Variants in SDS observed in about 807,000 individuals in gnomAD.
SDS encodes the protein L-serine dehydratase/L-threonine deaminase.
Under a neutral mutation model 29.3 loss-of-function variants are expected in SDS, and 19 were observed. The observed-to-expected ratio is 0.65, with a 90% confidence interval of 0.45 to 0.95. SDS has a LOEUF of 0.95. Ranked by LOEUF, SDS falls within the 40% of genes least tolerant of loss-of-function variation. The pLI, the probability that SDS is intolerant of heterozygous loss-of-function variation, is 0.00. For missense variants in SDS, 375 were observed against 439.9 expected, an observed-to-expected ratio of 0.85 and a Z score of 1.32; for synonymous variants, 176 against 189.0, an observed-to-expected ratio of 0.93 and a Z score of 0.56.
At chr12:113,400,249 G>A (rs963693856) in intron 1 of SDS, among the ~76,000 whole-genome samples, 7 of 151,592 alleles carry the variant, frequency 4.6e-5, no homozygotes, top group Admixed American at 6.6e-5. Flanking sequence ...GCGAGATCGC[G>A]CCATTGCACT....
At chr12:113,400,252 A>G (rs991168801) in intron 1 of SDS, among the ~76,000 whole-genome samples, 3 of 151,686 alleles carry the variant, frequency 2.0e-5, no homozygotes, top group Admixed American at 6.6e-5. Flanking sequence ...AGATCGCGCC[A>G]TTGCACTCCT....
chr12:113,396,428 T>G (rs952763515), intron 6 of SDS, among the ~76,000 whole-genome samples: 20 of 150,962 alleles, frequency 1.3e-4, no homozygotes, highest in Admixed American at 3.3e-4. Context: ...TTTCTCTCTT[T>G]CTTTCTCTTT....
chr12:113,400,466 G>A (rs1306906772), intron 1 of SDS, among the ~76,000 whole-genome samples: 3 of 150,290 alleles, frequency 2.0e-5, no homozygotes, highest in Non-Finnish European at 4.4e-5. Context: ...GAGTGAGACT[G>A]TGTCTCAAAA....
chr12:113,401,062 C>T (rs1397770463), intron 1 of SDS, among the ~76,000 whole-genome samples: 2 of 151,858 alleles, frequency 1.3e-5, no homozygotes, highest in African/African-American at 2.4e-5. Context: ...TGTAGTGAGC[C>T]GAGATCGCGC....
intron 7 of SDS, 95 bp from the exon 8 acceptor site, chr12:113,393,244 A>AGGGCTG: frequency 8.3e-7 from 1 of 1,199,618 alleles, no homozygotes; most frequent in Non-Finnish European, 1.2e-6. Context: ...ATACTGAGCC[A>AGGGCTG]ATCAGCTCTC....
intron 3 of SDS, 39 bp downstream of exon 3, chr12:113,399,073 C>T (rs900868993): frequency 6.2e-7 from 1 of 1,611,818 alleles, no homozygotes; most frequent in African/African-American, 1.3e-5. Flanking sequence ...GATCCCAGGA[C>T]ACACAGCAGA....
At chr12:113,397,868 C>T (rs1053168413) in intron 5 of SDS, among the ~76,000 whole-genome samples, 4 of 152,162 alleles carry the variant, frequency 2.6e-5, no homozygotes, top group African/African-American at 7.2e-5. Flanking sequence ...CACTGAATCA[C>T]CTCCCAAATA....
chr12:113,399,009 T>G (rs1957667295), intron 3 of SDS, 103 bp downstream of exon 3: 2 of 1,568,282 alleles, frequency 1.3e-6, no homozygotes, highest in East Asian at 4.5e-5. Context: ...CTGCTGCCAT[T>G]GTTTTCAGTG....
At chr12:113,402,622 C>T (rs1274167402) in intron 1 of SDS, among the ~76,000 whole-genome samples, 2 of 152,094 alleles carry the variant, frequency 1.3e-5, no homozygotes, top group Non-Finnish European at 2.9e-5. Flanking sequence ...TGTAGGTCAC[C>T]AAGGCCTGGC....
At chr12:113,396,351 T>C (rs1335724285) in intron 6 of SDS, among the ~76,000 whole-genome samples, 1 of 150,068 alleles carries the variant, frequency 6.7e-6, no homozygotes, top group Non-Finnish European at 1.5e-5. Flanking sequence ...TTTCCTTTCC[T>C]TTCCTTTCCT....
At chr12:113,393,280 GAACCA>G (rs1957622890) in intron 7 of SDS, 131 bp from the exon 8 acceptor site, 2 of 873,418 alleles carry the variant, frequency 2.3e-6, no homozygotes, top group Non-Finnish European at 1.8e-6. Context: ...CGCAGGTCCT[GAACCA>G]AACGTCCCGT....
At chr12:113,403,209 C>T (rs531247091) in intron 1 of SDS, among the ~76,000 whole-genome samples, 34 of 152,262 alleles carry the variant, frequency 2.2e-4, no homozygotes, top group African/African-American at 7.7e-4. Context: ...TCACTGCAGA[C>T]TCGACCTCTT....
chr12:113,396,292 G>T (rs1235333785), intron 6 of SDS, among the ~76,000 whole-genome samples: 2 of 152,078 alleles, frequency 1.3e-5, no homozygotes, highest in Non-Finnish European at 2.9e-5. Context: ...CTCAGTAAAT[G>T]ATTCCTATGA....
chr12:113,392,554 C>A lies in SDS; in HGVS notation c.*387G>T. On this transcript the variant is annotated 3_prime_UTR_variant, in exon 8 of 8. Coordinates refer to ENST00000257549, the MANE Select transcript of SDS (RefSeq NM_006843.3). The stretch of plus-strand genomic sequence containing the variant: ...GAGGATGGCTGAGATGGTTCCTCAA[C>A]CCTGGTTGGTGGCCCTGTTGACCTT... The A allele has an allele frequency of 4.3e-6, 1 of 234,038 alleles. No individual in the cohort carries two copies. The allele number at this position is 234,038 out of a possible 1,614,324, so 14.5% of individuals were successfully genotyped here. A position where few individuals can be genotyped will look rare whatever the true frequency, so the allele number is the denominator to read the frequency against.
chr12:113,398,692 T>G lies in SDS; in HGVS notation c.333+15A>C. The G allele has an allele frequency of 1.9e-6, 3 of 1,612,968 alleles. No individual in the cohort carries two copies. Among genetic ancestry groups the G allele is most frequent in the Non-Finnish European group, 2.5e-6 (3 of 1,179,170 alleles). On this transcript the variant is annotated intron_variant, in intron 4 of 7. Transcript: ENST00000257549. ...CAGGCGCCCTCTCTCTTCCTTGCCC[T>G]GGGTCGGCACTCACCTCACCCACCA... is the stretch of plus-strand genomic sequence containing the variant.
chr12:113,396,546 CT>C, intron 6 of SDS: 1 of 33,510 alleles, frequency 3.0e-5, no homozygotes, highest in Non-Finnish European at 6.8e-5. Context: ...CCCTCTCTCC[CT>C]TCCTTCCTTC....
chr12:113,399,093 G>C lies in SDS; in HGVS notation c.193+19C>G, dbSNP rs1957667683. On this transcript the variant is annotated intron_variant, in intron 3 of 7. Transcript: ENST00000257549. The stretch of plus-strand genomic sequence containing the variant: ...CAGGACACACAGCAGAGGACAGGAT[G>C]GGGAAGCAGATCACTTACCCGAGGA... 1 of 1,613,658 alleles carries C rather than the reference G, an allele frequency of 6.2e-7. No individual in the cohort carries two copies. Among genetic ancestry groups the C allele is most frequent in the Non-Finnish European group, 8.5e-7 (1 of 1,179,746 alleles).
chr12:113,401,370 AT>A (rs1957683696), intron 1 of SDS, among the ~76,000 whole-genome samples: 1 of 149,558 alleles, frequency 6.7e-6, no homozygotes, highest in African/African-American at 2.5e-5. Context: ...CAGCTTTTAA[AT>A]TTTATTCATT....
intron 7 of SDS, 107 bp from the exon 8 acceptor site, chr12:113,393,256 G>A (rs1397618793): frequency 9.2e-7 from 1 of 1,089,052 alleles, no homozygotes; most frequent in Non-Finnish European, 1.4e-6. Flanking sequence ...TCAGCTCTCA[G>A]CCCTGGCTGC....
Sources: gnomAD v4.1 joint callset for allele counts (sites outside exome capture counted in the v4.1 genomes callset) on GRCh38, gnomAD v4.1.1 for gene constraint, MANE v1.5 for transcripts, NCBI Gene and HGNC (gene_info 2026-07-23, HGNC 2026-07-21) for gene names.